The following SPPL2B variants were observed in gnomAD, a reference collection of about 807,000 sequenced individuals.
SPPL2B encodes the protein signal peptide peptidase like 2B.
Under a neutral mutation model 59.7 loss-of-function variants are expected in SPPL2B, and 39 were observed. The ratio of observed to expected loss-of-function variants is 0.65; its 90% CI spans 0.51 to 0.85. SPPL2B has a LOEUF of 0.85. Ranked by LOEUF, SPPL2B falls within the 40% of genes least tolerant of loss-of-function variation. The pLI, the probability that SPPL2B is intolerant of heterozygous loss-of-function variation, is 0.00. For missense variants in SPPL2B, 865 were observed against 849.0 expected, an observed-to-expected ratio of 1.02 and a Z score of -0.23; for synonymous variants, 419 against 370.8, an observed-to-expected ratio of 1.13 and a Z score of -1.49.
intron 13 of SPPL2B, 49 bp downstream of exon 13, chr19:2,345,379 C>T (rs372528713): frequency 1.3e-6 from 2 of 1,527,928 alleles, no homozygotes; most frequent in Non-Finnish European, 1.8e-6. Context: ...TCCAGCCCCA[C>T]CCCGACTTAG....
intron 3 of SPPL2B, chr19:2,338,392 AGGCCC>A: frequency 5.7e-6 from 1 of 175,250 alleles, no homozygotes; most frequent in South Asian, 1.6e-4. Flanking sequence ...TAGTTGAGAG[AGGCCC>A]TCAGTGGGTG....
At chr19:2,348,965 G>A (rs1434890029) in intron 13 of SPPL2B, among the ~76,000 whole-genome samples, 2 of 137,800 alleles carry the variant, frequency 1.5e-5, no homozygotes, top group African/African-American at 2.8e-5. Flanking sequence ...GCTGTCATTC[G>A]CTTGATTCCG....
At chr19:2,340,388 G>T in intron 7 of SPPL2B, 2 of 612,648 alleles carry the variant, frequency 3.3e-6, no homozygotes, top group Non-Finnish European at 2.9e-6. Flanking sequence ...GGGGTGGCGG[G>T]GGGAGGGTGC....
rs1056598135 is a variant in SPPL2B, at chr19:2,332,317, C to G, written c.67-2285C>G. On this transcript the variant is annotated intron_variant, in intron 1 of 14. Transcript: ENST00000613503. This position sits in a 1 kb window ranked among gnomAD's most constrained non-coding sequence, Gnocchi z 4.6. ...CTTTGCATGATTTCAGTGATGAGGG[C>G]CCGGCTGTTGGAGAGCCCGTCTGTG... Among the ~76,000 whole-genome samples, 4 of 152,166 alleles carry G rather than the reference C, an allele frequency of 2.6e-5. No individual in the cohort carries two copies. The highest frequency in any genetic ancestry group is 9.7e-5 in the African/African-American group (4 of 41,432).
intron 13 of SPPL2B, among the ~76,000 whole-genome samples, chr19:2,349,469 TTCTC>T (rs369691092): frequency 9.4e-4 from 2 of 2,122 alleles, no homozygotes; most frequent in East Asian, 0.023. Context: ...CTTGATTCCG[TTCTC>T]TCTCTCCACA....
intron 14 of SPPL2B, among the ~76,000 whole-genome samples, chr19:2,352,010 G>A (rs563124093): frequency 1.2e-4 from 19 of 152,342 alleles, no homozygotes; most frequent in Non-Finnish European, 2.1e-4. Context: ...ACTGGGGGTG[G>A]GGCCGCAGGG....
chr19:2,335,860 G>A (rs1208587825), intron 2 of SPPL2B, among the ~76,000 whole-genome samples: 1 of 152,258 alleles, frequency 6.6e-6, no homozygotes, highest in East Asian at 1.9e-4. Context: ...TGCATAGTGT[G>A]TGCGTGTGAG....
chr19:2,347,234 C>G (rs1210142090), intron 13 of SPPL2B, among the ~76,000 whole-genome samples: 3 of 143,224 alleles, frequency 2.1e-5, no homozygotes, highest in East Asian at 2.1e-4. Flanking sequence ...CTCACGCGCT[C>G]TCATTCGCTT....
rs972219377 is a variant in SPPL2B, at chr19:2,351,470, T to C, written c.1391T>C (p.Leu464Pro). 1.9e-5 allele frequency: 30 copies of C among 1,609,516 alleles called. No individual in the cohort carries two copies. The highest frequency in any genetic ancestry group is 2.5e-5 in the Non-Finnish European group (30 of 1,178,858). ...GVGLLVTFVA[L>P]ALMQRGQPAL... Reference sequence around the variant, plus strand: ...GGCCTCCTTGTGACATTCGTGGCACTGGCCCTGATGCAGCGTGGCCAGCCC... The same window carrying C: ...GGCCTCCTTGTGACATTCGTGGCACCGGCCCTGATGCAGCGTGGCCAGCCC... The change falls in exon 14 of 15, where the codon CTG becomes CCG. Residue 464 changes from leucine (L) to proline (P), a missense_variant. Physicochemically the swap from Leu to Pro is moderately conservative, Grantham distance 98 (BLOSUM62 -3). Coordinates refer to ENST00000613503, the MANE Select transcript of SPPL2B (RefSeq NM_152988.3).
intron 2 of SPPL2B, among the ~76,000 whole-genome samples, chr19:2,335,560 C>G (rs1411600083): frequency 1.3e-5 from 2 of 149,800 alleles, no homozygotes; most frequent in Non-Finnish European, 3.0e-5. Context: ...TCCTTTTCCA[C>G]TGCATCCCTC....
At position 2,340,226 on chromosome 19, in the gene SPPL2B, G is replaced by A. The variant is rs1311591472; in HGVS notation, c.839+54G>A. 22 of 1,385,314 alleles carry A rather than the reference G, an allele frequency of 1.6e-5. No individual in the cohort carries two copies. In the Admixed American group the frequency reaches 2.9e-4, roughly 18 times the overall value. 85.8% of individuals were successfully genotyped at this position (1,385,314 alleles called of 1,614,324 possible). Reference sequence around the variant, plus strand: ...CCTGACTCTGTGCGGTGATGGCCACGGCCCCTTTGCCGCCCCATAGCCCCC... The same window carrying A: ...CCTGACTCTGTGCGGTGATGGCCACAGCCCCTTTGCCGCCCCATAGCCCCC... On this transcript the variant is annotated intron_variant, in intron 7 of 14. Coordinates refer to ENST00000613503, the MANE Select transcript of SPPL2B (RefSeq NM_152988.3).
rs375529854 is a variant in SPPL2B at position 2,351,538 on chromosome 19, G to T, written c.1459G>T (p.Ala487Ser). ...GCCCTGCACGCTGGTGACGAGCTGC[G>T]CTGTGGCGCTCTGGCGCCGGGAGCT... ...LVPCTLVTSC[A>S]VALWRRELGV... The change falls in exon 14 of 15, where the codon GCT becomes TCT. Residue 487 changes from alanine (A) to serine (S), a missense_variant. Coordinates refer to ENST00000613503, the MANE Select transcript of SPPL2B (RefSeq NM_152988.3). 6.2e-7 allele frequency: 1 copy of T among 1,611,328 alleles called. No homozygotes were observed. Among genetic ancestry groups the T allele is most frequent in the Non-Finnish European group, 8.5e-7 (1 of 1,179,448 alleles).
intron 1 of SPPL2B, among the ~76,000 whole-genome samples, chr19:2,333,792 G>A (rs1427157781): frequency 6.6e-6 from 1 of 152,258 alleles, no homozygotes; most frequent in Admixed American, 6.5e-5. Flanking sequence ...GCTGCTGCAG[G>A]CTGGAGAGCA....
chr19:2,346,391 T>C (rs28606515), intron 13 of SPPL2B, among the ~76,000 whole-genome samples: 13,714 of 152,320 alleles, frequency 0.09, 1,700 homozygotes, highest in African/African-American at 0.28. Flanking sequence ...TGAGGCCGGG[T>C]ACGGGGGCTC....
chr19:2,340,446 TC>T, intron 7 of SPPL2B: 3 of 626,886 alleles, frequency 4.8e-6, no homozygotes, highest in Admixed American at 2.5e-5. Flanking sequence ...AACCCTGGGT[TC>T]CCCAGGGTTC....
At chr19:2,341,924 C>A (rs1049367209) in intron 8 of SPPL2B, 4 of 218,350 alleles carry the variant, frequency 1.8e-5, no homozygotes, top group African/African-American at 9.4e-5. Flanking sequence ...AGCGAGACGC[C>A]CTATTTAAGA....
rs900082306 is a variant in SPPL2B at position 2,346,960 on chromosome 19, C to T, written c.1354+1630C>T. On this transcript the variant is annotated intron_variant, in intron 13 of 14. Coordinates refer to ENST00000613503, the MANE Select transcript of SPPL2B (RefSeq NM_152988.3). Reference sequence around the variant, plus strand: ...GCAGTGTGCTTGCTGGACACAGCGGCTCTTTTTTTAAGAGTGTTCTAGCAA... The same window carrying T: ...GCAGTGTGCTTGCTGGACACAGCGGTTCTTTTTTTAAGAGTGTTCTAGCAA... Among the ~76,000 whole-genome samples, 3 of 151,964 alleles carry T rather than the reference C, an allele frequency of 2.0e-5. No homozygotes were observed. In the South Asian group the frequency reaches 6.2e-4, roughly 31 times the overall value.
rs537473313 is a variant in SPPL2B, at chr19:2,340,813, T to G, written c.840-85T>G. ...GTGGGGGCTGCCACTCTGCAGGGGG[T>G]GCCTGGGCCGGTCCCAAGGGTGGTG... is the stretch of plus-strand genomic sequence containing the variant. On this transcript the variant is annotated intron_variant, in intron 7 of 14. Coordinates refer to ENST00000613503, the MANE Select transcript of SPPL2B (RefSeq NM_152988.3). 7,332 of 739,332 alleles carry G rather than the reference T, an allele frequency of 9.9e-3. 56 individuals carry two copies. Among genetic ancestry groups the G allele is most frequent in the Non-Finnish European group, 0.013 (6,058 of 451,234 alleles). The allele number at this position is 739,332 out of a possible 1,614,324, so 45.8% of individuals were successfully genotyped here. A position where few individuals can be genotyped will look rare whatever the true frequency, so the allele number is the denominator to read the frequency against.
In SPPL2B at chr19:2,335,323, AGGCCCCGCCTCATTTCCCACTGCATCC is replaced by A. The variant is rs764581252; in HGVS notation, c.186+603_186+629del. Among the ~76,000 whole-genome samples, 386 of 92,626 alleles carry A rather than the reference AGGCCCCGCCTCATTTCCCACTGCATCC, an allele frequency of 4.2e-3. 1 individual carries two copies. The highest frequency in any genetic ancestry group is 5.6e-3 in the African/African-American group (130 of 23,342). 60.8% of individuals were successfully genotyped at this position (92,626 alleles called of 152,430 possible). A position where few individuals can be genotyped will look rare whatever the true frequency, so the allele number is the denominator to read the frequency against. Reference sequence around the variant, plus strand: ...CGCCTCCTTTCCCACTGCATCCTTCAGGCCCCGCCTCATTTCCCACTGCATCCTTCAGGCCCCGCCTCCTTTCTCACT... The same window carrying A: ...CGCCTCCTTTCCCACTGCATCCTTCATTCAGGCCCCGCCTCCTTTCTCACT... On this transcript the variant is annotated intron_variant, in intron 2 of 14. Coordinates refer to ENST00000613503, the MANE Select transcript of SPPL2B (RefSeq NM_152988.3).
Sources: gnomAD v4.1 joint callset for allele counts (sites outside exome capture counted in the v4.1 genomes callset) on GRCh38, gnomAD v4.1.1 for gene constraint, Gnocchi (gnomAD v3.1) non-coding constraint, MANE v1.5 for transcripts, NCBI Gene and HGNC (gene_info 2026-07-23, HGNC 2026-07-21) for gene names.